TUSC3: variants seen among roughly 807,000 people sequenced by gnomAD.
TUSC3 encodes dolichyl-diphosphooligosaccharide--protein glycosyltransferase subunit TUSC3.
A neutral mutation model predicts 44.8 loss-of-function variants in TUSC3; 45 were observed. The ratio of observed to expected loss-of-function variants is 1.00; its 90% CI spans 0.79 to 1.29. The LOEUF is 1.29. Among genes scored for constraint, TUSC3 ranks in the 50% most tolerant of loss-of-function variants. The pLI, the probability that TUSC3 is intolerant of heterozygous loss-of-function variation, is 0.00. For synonymous variants in TUSC3, 212 were observed against 152.9 expected (o/e 1.39, Z -2.85); for missense variants, 519 against 437.9 (o/e 1.19, Z -1.65).
At position 15,681,211 on chromosome 8, in the gene TUSC3, C is replaced by T. The variant is rs576581474; in HGVS notation, c.798+7375C>T. On this transcript the variant is annotated intron_variant, in intron 6 of 10. Coordinates refer to ENST00000503731, the MANE Select transcript of TUSC3 (RefSeq NM_006765.4). ...CCATCTTGAATTCATCTGAGGATTC[C>T]GTCCTCCTTTTTTTTTGGAATAGTT... Among the ~76,000 whole-genome samples, 66 of 79,218 alleles carry T rather than the reference C, an allele frequency of 8.3e-4. No homozygotes were observed. The East Asian group carries it at 0.011, about 13-fold the overall frequency. The allele number at this position is 79,218 out of a possible 152,430, so 52.0% of individuals were successfully genotyped here. A position where few individuals can be genotyped will look rare whatever the true frequency, so the allele number is the denominator to read the frequency against.
At chr8:15,793,037 C>A in the TUSC3 span, among the ~76,000 whole-genome samples, 3 of 152,070 alleles carry the variant, frequency 2.0e-5, no homozygotes, top group Non-Finnish European at 2.9e-5. Flanking sequence ...TTTCTCTTCT[C>A]CCAACAACCA....
In TUSC3 at chr8:15,540,268, C is replaced by G; in HGVS notation, c.-163C>G. The G allele has an allele frequency of 2.0e-6, 2 of 1,004,590 alleles. No individual in the cohort carries two copies. The highest frequency in any genetic ancestry group is 2.7e-6 in the Non-Finnish European group (2 of 747,980). 62.2% of individuals were successfully genotyped at this position (1,004,590 alleles called of 1,614,324 possible). On this transcript the variant is annotated 5_prime_UTR_variant, in exon 1 of 11. Coordinates refer to ENST00000503731, the MANE Select transcript of TUSC3 (RefSeq NM_006765.4). ...GGTGAACCGGATGCTCTGTCAGTCT[C>G]CTCCTCTGCGTCCTCGGCCGCGGCC...
intron 6 of TUSC3, among the ~76,000 whole-genome samples, chr8:15,703,064 A>G (rs985694945): frequency 1.2e-4 from 19 of 152,142 alleles, no homozygotes; most frequent in African/African-American, 4.3e-4. Flanking sequence ...ACTCTGCTGT[A>G]GGGAAAAACT....
chr8:15,811,114 G>A, the TUSC3 span, among the ~76,000 whole-genome samples: 1 of 152,114 alleles, frequency 6.6e-6, no homozygotes, highest in Non-Finnish European at 1.5e-5. Flanking sequence ...GAACATGCTT[G>A]GGAAATGTCG....
At chr8:15,480,305 A>G (rs1002450723) in intron 1 of TUSC3, among the ~76,000 whole-genome samples, 3 of 152,324 alleles carry the variant, frequency 2.0e-5, no homozygotes, top group East Asian at 1.9e-4. Context: ...TACCACTGAC[A>G]TTCTTCACAT....
chr8:15,511,747 A>G (rs1801137816), intron 2 of TUSC3, among the ~76,000 whole-genome samples: 1 of 152,004 alleles, frequency 6.6e-6, no homozygotes, highest in African/African-American at 2.4e-5. Flanking sequence ...GTGGGTGCCT[A>G]TAATCCCAGA....
Position 15,766,435 on chromosome 8 carries a change from T to G in TUSC3, c.*2279T>G, listed in dbSNP as rs1241469307. On this transcript the variant is annotated 3_prime_UTR_variant, in exon 11 of 11. Coordinates refer to ENST00000503731, the MANE Select transcript of TUSC3 (RefSeq NM_006765.4). ...GGTATGTTATATCCTCCAGTGTCACTTTTTAACCAGATTCACTGTGCGTTC... is the reference window on the plus strand; with the variant it reads ...GGTATGTTATATCCTCCAGTGTCACGTTTTAACCAGATTCACTGTGCGTTC... The G allele has an allele frequency of 1.3e-5, 2 of 152,250 alleles. No homozygotes were observed. Among genetic ancestry groups the G allele is most frequent in the Non-Finnish European group, 1.5e-5 (1 of 67,996 alleles). 9.4% of individuals were successfully genotyped at this position (152,250 alleles called of 1,614,324 possible).
intron 2 of TUSC3, among the ~76,000 whole-genome samples, chr8:15,531,449 G>A (rs11780568): frequency 1.4e-4 from 21 of 151,986 alleles, no homozygotes; most frequent in Non-Finnish European, 2.6e-4. Context: ...ACAGGGTTTC[G>A]CCACGTTGGC....
intron 6 of TUSC3, among the ~76,000 whole-genome samples, chr8:15,702,235 A>T (rs1020729360): frequency 1.3e-5 from 2 of 152,120 alleles, no homozygotes; most frequent in Non-Finnish European, 2.9e-5. Flanking sequence ...CTCTAATGTT[A>T]CCAAAGCCAG....
chr8:15,682,815 T>A (rs77251725), intron 6 of TUSC3, among the ~76,000 whole-genome samples: 4,554 of 152,054 alleles, frequency 0.03, 186 homozygotes, highest in African/African-American at 0.1. Flanking sequence ...AACTTTCTTT[T>A]TTTTTTTTTG....
chr8:15,552,648 G>C (rs1802098849), intron 1 of TUSC3, among the ~76,000 whole-genome samples: 1 of 151,596 alleles, frequency 6.6e-6, no homozygotes, highest in South Asian at 2.1e-4. Context: ...GAATACACAG[G>C]GTGGGGGAAT....
At chr8:15,446,036 C>T (rs1800092927) in intron 1 of TUSC3, among the ~76,000 whole-genome samples, 1 of 151,736 alleles carries the variant, frequency 6.6e-6, no homozygotes, top group Admixed American at 6.6e-5. Flanking sequence ...CGGAGGGGCT[C>T]CTCACTTCTC....
At chr8:15,663,747 A>G (rs928658809) in intron 5 of TUSC3, among the ~76,000 whole-genome samples, 5 of 151,940 alleles carry the variant, frequency 3.3e-5, no homozygotes, top group Admixed American at 2.6e-4. Flanking sequence ...ATTGGACACT[A>G]TGGATGATCT....
upstream of TUSC3, among the ~76,000 whole-genome samples, chr8:15,535,511 A>T (rs941309847): frequency 3.3e-5 from 5 of 152,190 alleles, no homozygotes; most frequent in African/African-American, 1.2e-4. Context: ...CTTACATTCT[A>T]ATGGGAAAAG....
intron 1 of TUSC3, among the ~76,000 whole-genome samples, chr8:15,599,041 C>A (rs779513259): frequency 1.3e-5 from 2 of 151,764 alleles, no homozygotes; most frequent in African/African-American, 2.4e-5. Context: ...AGTGCCTGTA[C>A]CATTTTGTAT....
At chr8:15,806,723 G>T in the TUSC3 span, 1 of 812,594 alleles carries the variant, frequency 1.2e-6, no homozygotes, top group South Asian at 1.5e-5. Flanking sequence ...TTTGGATACA[G>T]CCAGAGAGGC....
intron 1 of TUSC3, among the ~76,000 whole-genome samples, chr8:15,601,564 G>T (rs1244831740): frequency 1.3e-5 from 2 of 151,636 alleles, no homozygotes; most frequent in Non-Finnish European, 3.0e-5. Context: ...CTGATCAGGG[G>T]TAGAAACTGG....
the TUSC3 span, among the ~76,000 whole-genome samples, chr8:15,823,255 T>C: frequency 6.6e-6 from 1 of 152,278 alleles, no homozygotes; most frequent in East Asian, 1.9e-4. Flanking sequence ...GGAGGCTCTA[T>C]CATAGTCCTA....
chr8:15,734,353 A>T (rs186439466), intron 7 of TUSC3, among the ~76,000 whole-genome samples: 1 of 152,332 alleles, frequency 6.6e-6, no homozygotes, highest in Admixed American at 6.5e-5. Flanking sequence ...ATATTTACTA[A>T]GAATAAAAAT....
Sources: allele counts gnomAD v4.1 joint callset (sites outside exome capture counted in the v4.1 genomes callset), GRCh38; gene constraint gnomAD v4.1.1; transcripts MANE v1.5; gene names NCBI Gene and HGNC (gene_info 2026-07-23, HGNC 2026-07-21).